The following PCDHGB5 variants were observed in gnomAD, a reference collection of about 807,000 sequenced individuals.
PCDHGB5 encodes the protein protocadherin gamma-B5.
A neutral mutation model predicts 62.9 loss-of-function variants in PCDHGB5; 48 were observed. That is an observed-to-expected ratio of 0.76 (90% CI 0.61 to 0.97). The LOEUF (loss-of-function observed/expected upper bound fraction) is 0.97, where lower values mean the gene tolerates loss of function less well. PCDHGB5 is among the 50% of genes least tolerant of loss of function. The pLI, the probability that PCDHGB5 is intolerant of heterozygous loss-of-function variation, is 0.00. For synonymous variants in PCDHGB5, 474 were observed against 511.2 expected (o/e 0.93, Z 0.98); for missense variants, 1,118 against 1,198.6 (o/e 0.93, Z 0.99).
intron 1 of PCDHGB5, chr5:141,409,037 T>G (rs770619339): frequency 1.2e-6 from 2 of 1,613,992 alleles, no homozygotes; most frequent in South Asian, 2.2e-5. Context: ...TGAGATAAAC[T>G]ACTACTTCCG....
In PCDHGB5 at chr5:141,477,669, T is replaced by C; in HGVS notation, c.2398-17138T>C. Reference sequence around the variant, plus strand: ...TTCACAATAAATCGTGACAATGGCATAGTGTCATCCTTAGTGCCCCTAGAC... The same window carrying C: ...TTCACAATAAATCGTGACAATGGCACAGTGTCATCCTTAGTGCCCCTAGAC... On this transcript the variant is annotated intron_variant, in intron 1 of 3. Coordinates refer to ENST00000617380, the MANE Select transcript of PCDHGB5 (RefSeq NM_018925.3). This position sits in a 1 kb window ranked among gnomAD's most constrained non-coding sequence, Gnocchi z 4.9. 6.2e-7 allele frequency: 1 copy of C among 1,614,200 alleles called. No individual in the cohort carries two copies. Among genetic ancestry groups the C allele is most frequent in the Non-Finnish European group, 8.5e-7 (1 of 1,180,030 alleles).
At chr5:141,460,951 G>GTATATATA (rs200454978) in intron 1 of PCDHGB5, among the ~76,000 whole-genome samples, 42 of 139,772 alleles carry the variant, frequency 3.0e-4, no homozygotes, top group African/African-American at 1.1e-3. Context: ...TATGTATTAT[G>GTATATATA]TATATATATA....
intron 1 of PCDHGB5, among the ~76,000 whole-genome samples, chr5:141,426,133 G>A (rs2096916691): frequency 6.6e-6 from 1 of 152,212 alleles, no homozygotes. Context: ...GCCAAGACTT[G>A]GGCTTTCTGC....
intron 1 of PCDHGB5, chr5:141,441,337 T>A (rs980210130): frequency 6.6e-6 from 1 of 152,112 alleles, no homozygotes; most frequent in African/African-American, 2.4e-5. Flanking sequence ...CTCCAATAAT[T>A]AACTACATGC....
intron 1 of PCDHGB5, among the ~76,000 whole-genome samples, chr5:141,481,731 A>G (rs1339022274): frequency 6.6e-6 from 1 of 152,060 alleles, no homozygotes; most frequent in African/African-American, 2.4e-5. Context: ...AGGCGGGCGG[A>G]TCACGAGGTC....
intron 1 of PCDHGB5, chr5:141,439,998 G>A (rs2098143949): frequency 6.5e-6 from 1 of 153,152 alleles, no homozygotes; most frequent in Non-Finnish European, 1.5e-5. Context: ...TTGGTGGTGG[G>A]AAACCTTGCC....
At chr5:141,443,615 C>T (rs1430581477) in intron 1 of PCDHGB5, among the ~76,000 whole-genome samples, 3 of 152,198 alleles carry the variant, frequency 2.0e-5, no homozygotes, top group Non-Finnish European at 4.4e-5. Flanking sequence ...TTCTTATAAT[C>T]AGGTGATTGT....
intron 1 of PCDHGB5, among the ~76,000 whole-genome samples, chr5:141,468,798 G>A (rs895012127): frequency 7.9e-5 from 12 of 151,646 alleles, no homozygotes; most frequent in East Asian, 2.0e-4. Context: ...CCCGGGAGGC[G>A]GAACTTGCAG....
intron 2 of PCDHGB5, among the ~76,000 whole-genome samples, chr5:141,500,136 A>G (rs966215589): frequency 6.6e-6 from 1 of 151,606 alleles, no homozygotes; most frequent in African/African-American, 2.4e-5. Flanking sequence ...ATATCTTTCT[A>G]AACTTTTCTT....
intron 1 of PCDHGB5, chr5:141,471,252 T>A (rs1003162914): frequency 6.6e-6 from 1 of 151,872 alleles, no homozygotes; most frequent in Admixed American, 6.6e-5. Flanking sequence ...GGTTTCACCA[T>A]GTTGGCAAGG....
chr5:141,512,917 T>C lies in PCDHGB5; in HGVS notation c.*1744T>C, dbSNP rs543880225. On this transcript the variant is annotated 3_prime_UTR_variant, in exon 4 of 4. Transcript: ENST00000617380. ...TGTGTCTCACGCAAGTTTTATACTCTAATATTTATATGGCTTTTTTTCTTC... is the reference window on the plus strand; with the variant it reads ...TGTGTCTCACGCAAGTTTTATACTCCAATATTTATATGGCTTTTTTTCTTC... The C allele has an allele frequency of 1.3e-5, 2 of 152,378 alleles. No individual in the cohort carries two copies. Among genetic ancestry groups the C allele is most frequent in the African/African-American group, 2.4e-5 (1 of 41,588 alleles). The allele number at this position is 152,378 out of a possible 1,614,324, so 9.4% of individuals were successfully genotyped here.
intron 1 of PCDHGB5, among the ~76,000 whole-genome samples, chr5:141,492,808 A>C (rs1261752522): frequency 6.6e-6 from 1 of 152,252 alleles, no homozygotes; most frequent in African/African-American, 2.4e-5. Flanking sequence ...CTGGGACTCC[A>C]GTGGCACCAG....
chr5:141,403,416 C>G, intron 1 of PCDHGB5: 1 of 1,614,034 alleles, frequency 6.2e-7, no homozygotes, highest in Non-Finnish European at 8.5e-7. Flanking sequence ...TATCCACTTC[C>G]AGAAGCTATT....
intron 1 of PCDHGB5, among the ~76,000 whole-genome samples, chr5:141,464,912 T>A (rs1303305860): frequency 2.6e-5 from 4 of 152,092 alleles, no homozygotes; most frequent in Non-Finnish European, 5.9e-5. Context: ...CTAATTTTTT[T>A]ATTTTTTTGT....
chr5:141,490,103 C>T lies in PCDHGB5; in HGVS notation c.2398-4704C>T, dbSNP rs1012215533. ...TCTTTTGGAGACCACACATCTGAGG[C>T]AGTGCGGAACCTCTTTGGCCTAGAC... On this transcript the variant is annotated intron_variant, in intron 1 of 3. Coordinates refer to ENST00000617380, the MANE Select transcript of PCDHGB5 (RefSeq NM_018925.3). The surrounding 1 kb of genome is among the most constrained non-coding windows in gnomAD (Gnocchi z 5.4). The T allele has an allele frequency of 6.2e-7, 1 of 1,614,122 alleles. No homozygotes were observed. The highest frequency in any genetic ancestry group is 1.3e-5 in the African/African-American group (1 of 74,954).
At chr5:141,466,296 A>G (rs2099120415) in intron 1 of PCDHGB5, among the ~76,000 whole-genome samples, 1 of 152,136 alleles carries the variant, frequency 6.6e-6, no homozygotes. Flanking sequence ...TCAGGCTCCC[A>G]AGTAGCTGGG....
rs568123995 is a variant in PCDHGB5 at position 141,511,539 on chromosome 5, C to G, written c.*366C>G. The G allele has an allele frequency of 3.0e-5, 10 of 328,342 alleles. No individual in the cohort carries two copies. The highest frequency in any genetic ancestry group is 2.1e-4 in the African/African-American group (10 of 47,452). The allele number at this position is 328,342 out of a possible 1,614,324, so 20.3% of individuals were successfully genotyped here. ...CATCCCATGCCTCCCTCCTCCCCAC[C>G]CCACTCCAACAGTTCCTCTTTCCCG... On this transcript the variant is annotated 3_prime_UTR_variant, in exon 4 of 4. Transcript: ENST00000617380.
intron 1 of PCDHGB5, among the ~76,000 whole-genome samples, chr5:141,482,354 G>C (rs1461472845): frequency 6.6e-6 from 1 of 152,096 alleles, no homozygotes; most frequent in Non-Finnish European, 1.5e-5. Context: ...CTTGTTGTGA[G>C]AGTGAAAAGT....
chr5:141,421,885 G>A (rs2096608692), intron 1 of PCDHGB5: 1 of 1,613,574 alleles, frequency 6.2e-7, no homozygotes, highest in African/African-American at 1.3e-5. Context: ...AGATGGAGGC[G>A]ATCCCATCCG....
Sources: allele counts gnomAD v4.1 joint callset (sites outside exome capture counted in the v4.1 genomes callset), GRCh38; gene constraint gnomAD v4.1.1; non-coding constraint Gnocchi (gnomAD v3.1); transcripts MANE v1.5; gene names NCBI Gene and HGNC (gene_info 2026-07-23, HGNC 2026-07-21).